Variants in FKBP5 observed in about 807,000 individuals in gnomAD.
FKBP5 encodes peptidyl-prolyl cis-trans isomerase FKBP5.
Under a neutral mutation model 50.5 loss-of-function variants are expected in FKBP5, and 23 were observed. That is an observed-to-expected ratio of 0.46 (90% CI 0.33 to 0.65). The LOEUF is 0.65. Among genes scored for constraint, FKBP5 ranks in the 30% least tolerant of loss-of-function variants. The pLI, the probability that FKBP5 is intolerant of heterozygous loss-of-function variation, is 0.02. For synonymous variants in FKBP5, 176 were observed against 190.6 expected (o/e 0.92, Z 0.63); for missense variants, 411 against 553.1 (o/e 0.74, Z 2.58).
chr6:35,595,989 C>G (rs894078051), intron 6 of FKBP5, among the ~76,000 whole-genome samples: 11 of 151,994 alleles, frequency 7.2e-5, no homozygotes, highest in Non-Finnish European at 1.5e-4. Flanking sequence ...TCAGTGACGG[C>G]TATGAAGAGT....
chr6:35,584,156 G>A (rs1384711274), intron 8 of FKBP5: 19 of 985,250 alleles, frequency 1.9e-5, no homozygotes, highest in South Asian at 4.7e-5. Flanking sequence ...TGTTTAACTC[G>A]CTTGCACAAT....
At chr6:35,666,330 A>T (rs939386688) in intron 1 of FKBP5, among the ~76,000 whole-genome samples, 3 of 147,488 alleles carry the variant, frequency 2.0e-5, no homozygotes, top group Non-Finnish European at 4.5e-5. Context: ...ACTTCCAGGA[A>T]ATAACCTGTA....
chr6:35,594,681 CACAT>C (rs1257960596), intron 6 of FKBP5, among the ~76,000 whole-genome samples: 3 of 152,098 alleles, frequency 2.0e-5, no homozygotes, highest in Non-Finnish European at 2.9e-5. Context: ...CATACGCACA[CACAT>C]ATATAGCATG....
chr6:35,579,944 C>A, intron 9 of FKBP5, 92 bp downstream of exon 9: 2 of 979,670 alleles, frequency 2.0e-6, no homozygotes, highest in East Asian at 2.5e-5. Flanking sequence ...AATGAAAAAT[C>A]CTGCAACCTT....
At chr6:35,649,270 G>C (rs1181749767) in intron 1 of FKBP5, among the ~76,000 whole-genome samples, 1 of 122,980 alleles carries the variant, frequency 8.1e-6, no homozygotes, top group South Asian at 2.6e-4. Flanking sequence ...AAAAAAAAAA[G>C]AATTTAGTAA....
At chr6:35,658,507 T>A (rs1765021015) in intron 1 of FKBP5, among the ~76,000 whole-genome samples, 1 of 152,196 alleles carries the variant, frequency 6.6e-6, no homozygotes, top group Non-Finnish European at 1.5e-5. Flanking sequence ...TGATTTCAGC[T>A]ATTGGTTTTT....
chr6:35,679,800 C>T (rs1261774096), intron 1 of FKBP5, among the ~76,000 whole-genome samples: 1 of 152,108 alleles, frequency 6.6e-6, no homozygotes, highest in Non-Finnish European at 1.5e-5. Flanking sequence ...TAAAAAACTA[C>T]ATATTGGGTA....
At chr6:35,588,215 C>T (rs539751128) in intron 7 of FKBP5, among the ~76,000 whole-genome samples, 51 of 151,902 alleles carry the variant, frequency 3.4e-4, no homozygotes, top group East Asian at 1.2e-3. Flanking sequence ...TTAGTAGAGA[C>T]GGGGTTTCTC....
At chr6:35,726,181 A>G (rs1175772863) in intron 1 of FKBP5, among the ~76,000 whole-genome samples, 1 of 152,222 alleles carries the variant, frequency 6.6e-6, no homozygotes, top group Non-Finnish European at 1.5e-5. Context: ...ACGGTGAGGA[A>G]GTGCCTTGTC....
chr6:35,651,760 T>C (rs1764805768), intron 1 of FKBP5: 1 of 185,556 alleles, frequency 5.4e-6, no homozygotes, highest in Admixed American at 6.4e-5. Context: ...CTAATACTTG[T>C]TTTCTAATGA....
chr6:35,711,539 AC>A (rs1361386704), intron 2 of FKBP5, among the ~76,000 whole-genome samples: 1 of 151,258 alleles, frequency 6.6e-6, no homozygotes, highest in Non-Finnish European at 1.5e-5. Context: ...AATTGCTCGA[AC>A]CCGGGAGGTG....
At chr6:35,608,574 C>A (rs1354010371) in intron 5 of FKBP5, among the ~76,000 whole-genome samples, 1 of 152,108 alleles carries the variant, frequency 6.6e-6, no homozygotes, top group Admixed American at 6.6e-5. Context: ...GCAGTTCCAG[C>A]TACTCCGGTG....
At chr6:35,622,990 C>T (rs1763890280) in intron 3 of FKBP5, among the ~76,000 whole-genome samples, 1 of 152,232 alleles carries the variant, frequency 6.6e-6, no homozygotes. Context: ...CGCCTGTAAT[C>T]CCAGCACTTT....
At chr6:35,696,354 T>C (rs2151017370) in intron 2 of FKBP5, among the ~76,000 whole-genome samples, 1 of 148,546 alleles carries the variant, frequency 6.7e-6, no homozygotes, top group East Asian at 2.1e-4. Flanking sequence ...ACACTGGCTC[T>C]ACAAAAAATT....
At chr6:35,630,185 A>C (rs1764111801) in intron 3 of FKBP5, among the ~76,000 whole-genome samples, 1 of 151,942 alleles carries the variant, frequency 6.6e-6, no homozygotes, top group Non-Finnish European at 1.5e-5. Context: ...AGAGAGAGAG[A>C]GAGAGAGCGA....
intron 1 of FKBP5, among the ~76,000 whole-genome samples, chr6:35,679,152 G>A (rs1765600757): frequency 6.6e-6 from 1 of 152,164 alleles, no homozygotes; most frequent in Non-Finnish European, 1.5e-5. Flanking sequence ...GTACATGGAG[G>A]TTCATTAAAG....
rs1275328324 is a variant in FKBP5, at chr6:35,614,229, C to T, written c.508+4867G>A. ...ACAGAAACAGAAAAAAATAAAATGA[C>T]ATAAAACGTAATAAAATACAGGAAG... On this transcript the variant is annotated intron_variant, in intron 5 of 10. Transcript: ENST00000357266. Among the ~76,000 whole-genome samples, 3 of 151,806 alleles carry T rather than the reference C, an allele frequency of 2.0e-5. No individual in the cohort carries two copies. In the East Asian group the frequency reaches 5.8e-4, roughly 29 times the overall value.
Position 35,580,241 on chromosome 6 carries a change from T to G in FKBP5, c.841-20A>C. The G allele has an allele frequency of 1.3e-6, 2 of 1,598,972 alleles. No homozygotes were observed. The highest frequency in any genetic ancestry group is 1.7e-5 in the Admixed American group (1 of 59,056). On this transcript the variant is annotated intron_variant, in intron 8 of 10. Transcript: ENST00000357266. ...GCCTCCCTAGGATAAAAAAGCGTCA[T>G]TACTTGTACTCAGCTCTTGAGGGGG...
At chr6:35,673,812 C>G (rs1405767089) in intron 1 of FKBP5, among the ~76,000 whole-genome samples, 1 of 152,054 alleles carries the variant, frequency 6.6e-6, no homozygotes, top group African/African-American at 2.4e-5. Flanking sequence ...ATAGTAATAA[C>G]AGAAAATTTA....
Sources: gnomAD v4.1 joint callset for allele counts (sites outside exome capture counted in the v4.1 genomes callset) on GRCh38, gnomAD v4.1.1 for gene constraint, MANE v1.5 for transcripts, NCBI Gene and HGNC (gene_info 2026-07-23, HGNC 2026-07-21) for gene names.